ABTB3: variants seen among roughly 807,000 people sequenced by gnomAD.
The protein encoded by ABTB3 is ankyrin repeat- and BTB/POZ domain-containing protein 3.
chr12:107,358,192 C>T, the ABTB3 span, among the ~76,000 whole-genome samples: 2 of 152,028 alleles, frequency 1.3e-5, no homozygotes, highest in Non-Finnish European at 2.9e-5. Context: ...AAATATATAG[C>T]TTGTTAGGTG....
At chr12:107,568,563 C>T in the ABTB3 span, among the ~76,000 whole-genome samples, 1 of 152,294 alleles carries the variant, frequency 6.6e-6, no homozygotes, top group African/African-American at 2.4e-5. Context: ...GTTCTTCAAT[C>T]ACACTAATAA....
the ABTB3 span, among the ~76,000 whole-genome samples, chr12:107,616,183 A>T: frequency 2.4e-4 from 36 of 152,314 alleles, no homozygotes; most frequent in East Asian, 5.6e-3. Flanking sequence ...GTGGACACAG[A>T]TGTCATTCCT....
the ABTB3 span, among the ~76,000 whole-genome samples, chr12:107,325,432 C>T: frequency 1.6e-4 from 24 of 152,300 alleles, no homozygotes; most frequent in Non-Finnish European, 2.8e-4. Context: ...TCACAGAGCA[C>T]CTTTTTAATT....
At chr12:107,355,258 G>A in the ABTB3 span, among the ~76,000 whole-genome samples, 2 of 152,222 alleles carry the variant, frequency 1.3e-5, no homozygotes, top group Non-Finnish European at 2.9e-5. Flanking sequence ...AGCCTTCCTG[G>A]GGTGGAGACC....
chr12:107,442,160 G>A, the ABTB3 span, among the ~76,000 whole-genome samples: 2 of 152,134 alleles, frequency 1.3e-5, no homozygotes, highest in African/African-American at 2.4e-5. Flanking sequence ...CATTTCCGGG[G>A]CCTAGCACAG....
the ABTB3 span, among the ~76,000 whole-genome samples, chr12:107,553,614 G>A: frequency 1.3e-5 from 2 of 150,582 alleles, no homozygotes; most frequent in African/African-American, 4.8e-5. Context: ...GACTTGATAA[G>A]GTGGCAGGAC....
At chr12:107,441,827 C>T in the ABTB3 span, among the ~76,000 whole-genome samples, 1 of 149,574 alleles carries the variant, frequency 6.7e-6, no homozygotes, top group South Asian at 2.1e-4. Flanking sequence ...ACAGTCTCAG[C>T]TACTTGGGAG....
At chr12:107,517,529 C>A in the ABTB3 span, among the ~76,000 whole-genome samples, 1 of 152,114 alleles carries the variant, frequency 6.6e-6, no homozygotes, top group Non-Finnish European at 1.5e-5. Flanking sequence ...TTGTTTGTAT[C>A]CTCTTTTATT....
the ABTB3 span, chr12:107,649,085 C>A: frequency 1.8e-5 from 15 of 825,182 alleles, no homozygotes; most frequent in Non-Finnish European, 3.0e-5. Context: ...TGGAAATGGG[C>A]AACCATTTGG....
chr12:107,537,511 A>T, the ABTB3 span, among the ~76,000 whole-genome samples: 22 of 152,178 alleles, frequency 1.4e-4, no homozygotes, highest in East Asian at 1.7e-3. Context: ...TGCAATTCTT[A>T]TGTGTCAACT....
At chr12:107,450,841 C>T in the ABTB3 span, among the ~76,000 whole-genome samples, 2 of 151,972 alleles carry the variant, frequency 1.3e-5, no homozygotes, top group South Asian at 4.2e-4. Context: ...TTCTCCTTTG[C>T]GGGTCTCTCT....
chr12:107,578,894 C>T, the ABTB3 span, among the ~76,000 whole-genome samples: 2 of 152,198 alleles, frequency 1.3e-5, no homozygotes, highest in African/African-American at 4.8e-5. Context: ...ATTGGTAAAT[C>T]TTAGTCTGTG....
At chr12:107,338,081 T>G in the ABTB3 span, among the ~76,000 whole-genome samples, 1 of 152,196 alleles carries the variant, frequency 6.6e-6, no homozygotes, top group Non-Finnish European at 1.5e-5. Context: ...CAGAACAGTG[T>G]GATACTAATT....
At chr12:107,319,283 C>G in the ABTB3 span, 1 of 1,544,882 alleles carries the variant, frequency 6.5e-7, no homozygotes, top group Non-Finnish European at 8.7e-7. Context: ...GCGGGATCCC[C>G]GGGCAGGCCC....
the ABTB3 span, among the ~76,000 whole-genome samples, chr12:107,655,337 G>A: frequency 4.0e-5 from 6 of 151,742 alleles, no homozygotes; most frequent in Non-Finnish European, 7.4e-5. Flanking sequence ...CTCTGCCTCC[G>A]CCTTCCCAGC....
At chr12:107,610,078 G>A in the ABTB3 span, 2 of 1,289,392 alleles carry the variant, frequency 1.6e-6, no homozygotes, top group Non-Finnish European at 2.2e-6. Flanking sequence ...CCTAGGAACA[G>A]GCAATTTACA....
At chr12:107,400,636 C>T in the ABTB3 span, among the ~76,000 whole-genome samples, 1 of 152,126 alleles carries the variant, frequency 6.6e-6, no homozygotes, top group East Asian at 1.9e-4. Flanking sequence ...AGATGAAGTA[C>T]TCAGAGCATG....
chr12:107,388,553 T>C, the ABTB3 span, among the ~76,000 whole-genome samples: 1 of 150,794 alleles, frequency 6.6e-6, no homozygotes, highest in Non-Finnish European at 1.5e-5. Flanking sequence ...TTCCTTTTCC[T>C]CCTCATTCCC....
chr12:107,469,884 T>TTCTTTCTG, the ABTB3 span, among the ~76,000 whole-genome samples: 1 of 102,228 alleles, frequency 9.8e-6, no homozygotes, highest in Admixed American at 9.4e-5. Context: ...CTTTCTTTCT[T>TTCTTTCTG]TCTTTCTTTC....
Sources: gnomAD v4.1 joint callset for allele counts (sites outside exome capture counted in the v4.1 genomes callset) on GRCh38, gnomAD v4.1.1 for gene constraint, MANE v1.5 for transcripts, NCBI Gene and HGNC (gene_info 2026-07-23, HGNC 2026-07-21) for gene names.